The following ADCY7 variants were observed in gnomAD, a reference collection of about 807,000 sequenced individuals.
The protein encoded by ADCY7 is adenylate cyclase 7, also known as adenylate cyclase type 7.
In ADCY7, 72 loss-of-function variants were observed where a neutral mutation model predicts 120.6. That is an observed-to-expected ratio of 0.60 (90% confidence interval 0.49 to 0.73). The LOEUF is 0.73. ADCY7 is among the 30% of genes least tolerant of loss of function. ADCY7 has a pLI of 0.00. For missense variants in ADCY7, 1,227 were observed against 1,486.0 expected (o/e 0.83, Z 2.87); for synonymous variants, 661 against 628.0 (o/e 1.05, Z -0.78).
chr16:50,283,738 G>A (rs911998136), intron 1 of ADCY7, among the ~76,000 whole-genome samples: 2 of 152,250 alleles, frequency 1.3e-5, no homozygotes, highest in African/African-American at 4.8e-5. Context: ...TCCTCAGGAA[G>A]AGGGGACGTG....
rs753203705 is a variant in ADCY7 at position 50,305,563 on chromosome 16, C to T, written c.1656C>T (p.Ala552=). The change falls in exon 13 of 26, where the codon GCC becomes GCT. Residue 552 remains alanine, a synonymous_variant. Transcript: ENST00000673801. ...DDSYDDEMLS[A]IEGLSSTRPC... ...CGTACGATGACGAGATGCTGTCAGC[C>T]ATTGAGGGGCTCAGCTCCACGAGGT... 1 of 1,605,106 alleles carries T rather than the reference C, an allele frequency of 6.2e-7. No homozygotes were observed. Among genetic ancestry groups the T allele is most frequent in the Non-Finnish European group, 8.5e-7 (1 of 1,175,082 alleles).
intron 19 of ADCY7, 152 bp from the exon 20 acceptor site, chr16:50,311,541 T>A (rs1204792823): frequency 3.6e-4 from 123 of 346,366 alleles, no homozygotes; most frequent in Middle Eastern, 2.1e-3. Flanking sequence ...CCCTCCCCCC[T>A]TTATAATACC....
chr16:50,309,257 C>T (rs2036286693), intron 17 of ADCY7: 2 of 420,164 alleles, frequency 4.8e-6, no homozygotes, highest in Non-Finnish European at 4.3e-6. Context: ...TTCCTGTGAC[C>T]ACCTCCCTCA....
At chr16:50,310,935 C>A in intron 19 of ADCY7, 55 bp downstream of exon 19, 2 of 1,490,486 alleles carry the variant, frequency 1.3e-6, no homozygotes, top group East Asian at 4.9e-5. Flanking sequence ...TCATCTGGTG[C>A]CTGCCTGCTC....
At chr16:50,269,250 T>C (rs4238817) in intron 1 of ADCY7, among the ~76,000 whole-genome samples, 146,715 of 152,288 alleles carry the variant, frequency 0.96, 70,903 homozygotes, top group East Asian at 1. Flanking sequence ...AGATCGGTCC[T>C]CAGGCATCCA....
chr16:50,288,272 T>C lies in ADCY7; in HGVS notation c.93T>C (p.His31=), dbSNP rs1164292291. The C allele has an allele frequency of 6.4e-7, 1 of 1,551,212 alleles. No homozygotes were observed. ...AGAAGTACCAGCTCACCAGCCAGCATGGGCCGCTGCTGCTCACGCTCCTGC... is the reference window on the plus strand; with the variant it reads ...AGAAGTACCAGCTCACCAGCCAGCACGGGCCGCTGCTGCTCACGCTCCTGC... ...LYEKYQLTSQ[H]GPLLLTLLLV... is the part of the protein sequence containing the mutation. The change falls in exon 2 of 26, where the codon CAT becomes CAC. Residue 31 remains histidine (H), a synonymous_variant. Coordinates refer to ENST00000673801, the MANE Select transcript of ADCY7 (RefSeq NM_001114.5).
chr16:50,257,486 A>G (rs1833508577), intron 1 of ADCY7, among the ~76,000 whole-genome samples: 2 of 152,184 alleles, frequency 1.3e-5, no homozygotes, highest in Admixed American at 6.5e-5. Context: ...ACAGTGCTAA[A>G]TACTTGAGGT....
chr16:50,259,554 G>A (rs578202538), intron 1 of ADCY7, among the ~76,000 whole-genome samples: 1 of 152,168 alleles, frequency 6.6e-6, no homozygotes, highest in Non-Finnish European at 1.5e-5. Flanking sequence ...CGTCTCCCAG[G>A]CGTGGCAGAG....
chr16:50,291,786 C>T lies in ADCY7; in HGVS notation c.426C>T (p.Phe142=). The change falls in exon 4 of 26, where the codon TTC becomes TTT. Residue 142 remains phenylalanine (F), a synonymous_variant. Coordinates refer to ENST00000673801, the MANE Select transcript of ADCY7 (RefSeq NM_001114.5). ...IVFVVYTLLP[F]SMRGAVAVGA... Reference sequence around the variant, plus strand: ...TCGTGGTGTACACACTACTGCCCTTCAGCATGCGGGGCGCTGTCGCCGTTG... The same window carrying T: ...TCGTGGTGTACACACTACTGCCCTTTAGCATGCGGGGCGCTGTCGCCGTTG... 1 of 1,614,142 alleles carries T rather than the reference C, an allele frequency of 6.2e-7. No individual in the cohort carries two copies. The highest frequency in any genetic ancestry group is 8.5e-7 in the Non-Finnish European group (1 of 1,180,004).
Position 50,291,728 on chromosome 16 carries a change from A to T in ADCY7, c.376-8A>T. 6.2e-7 allele frequency: 1 copy of T among 1,614,006 alleles called. No individual in the cohort carries two copies. The highest frequency in any genetic ancestry group is 8.5e-7 in the Non-Finnish European group (1 of 1,179,976). On this transcript the variant is annotated splice_region_variant and splice_polypyrimidine_tract_variant and intron_variant, in intron 3 of 25. Transcript: ENST00000673801. Reference sequence around the variant, plus strand: ...TGGGGCACCGGGCTCACCAGGCTGCATCCACAGGTGCCCTTCTTCCTGTTC... The same window carrying T: ...TGGGGCACCGGGCTCACCAGGCTGCTTCCACAGGTGCCCTTCTTCCTGTTC...
At chr16:50,280,796 A>C (rs1304482411) in intron 1 of ADCY7, among the ~76,000 whole-genome samples, 1 of 152,184 alleles carries the variant, frequency 6.6e-6, no homozygotes, top group Non-Finnish European at 1.5e-5. Context: ...GAGGTCTGAC[A>C]CAGCCCCTCC....
chr16:50,306,318 CA>C (rs11352304), intron 14 of ADCY7, among the ~76,000 whole-genome samples: 48,864 of 152,030 alleles, frequency 0.32, 8,822 homozygotes, highest in African/African-American at 0.49. Context: ...TTAACCGTCA[CA>C]ACGGCCAGCC....
upstream of ADCY7, among the ~76,000 whole-genome samples, chr16:50,261,800 C>G (rs1301788595): frequency 2.0e-5 from 3 of 152,248 alleles, no homozygotes; most frequent in Admixed American, 6.5e-5. Context: ...CCTCTTCATC[C>G]TGCCAGGACG....
intron 1 of ADCY7, among the ~76,000 whole-genome samples, chr16:50,255,874 C>T (rs2150788325): frequency 1.3e-5 from 2 of 152,284 alleles, no homozygotes; most frequent in South Asian, 4.1e-4. Context: ...GTTGAGAAGA[C>T]TGGGTTTTCA....
intron 20 of ADCY7, 22 bp downstream of exon 20, chr16:50,311,808 C>CT (rs749714597): frequency 1.5e-6 from 2 of 1,337,122 alleles, no homozygotes; most frequent in South Asian, 2.6e-5. Context: ...GGCCCCCCCC[C>CT]CCCCCCCAAG....
chr16:50,305,373 T>G, intron 12 of ADCY7, 130 bp from the exon 13 acceptor site: 2 of 828,074 alleles, frequency 2.4e-6, no homozygotes, highest in South Asian at 3.1e-5. Flanking sequence ...TGGGCCTCAG[T>G]GGGACCCACC....
rs562903207 is a variant in ADCY7 at position 50,301,071 on chromosome 16, G to A, written c.1236-11G>A. 8.4e-5 allele frequency: 136 copies of A among 1,612,414 alleles called. No homozygotes were observed. The South Asian group carries it at 1.4e-3, about 17-fold the overall frequency. ...GGCCCCAAGGCTCTGCCTGACTTGG[G>A]TCTCCCGTAGCCGGGTGCACATCAC... On this transcript the variant is annotated splice_polypyrimidine_tract_variant and intron_variant, in intron 9 of 25. Transcript: ENST00000673801.
At chr16:50,282,049 C>T (rs929867325) in intron 1 of ADCY7, among the ~76,000 whole-genome samples, 5 of 152,154 alleles carry the variant, frequency 3.3e-5, no homozygotes, top group African/African-American at 1.2e-4. Flanking sequence ...GGGCCTCTTC[C>T]CTGGAGGCTT....
At chr16:50,308,829 G>A (rs1215396733) in intron 17 of ADCY7, 37 bp downstream of exon 17, 1 of 1,571,970 alleles carries the variant, frequency 6.4e-7, no homozygotes, top group East Asian at 2.3e-5. Flanking sequence ...CTCCGGGGTA[G>A]AGGGAGACCT....
Sources: gnomAD v4.1 joint callset for allele counts (sites outside exome capture counted in the v4.1 genomes callset) on GRCh38, gnomAD v4.1.1 for gene constraint, MANE v1.5 for transcripts, NCBI Gene and HGNC (gene_info 2026-07-23, HGNC 2026-07-21) for gene names.